ANKFN1: variants seen among roughly 807,000 people sequenced by gnomAD.
ANKFN1 encodes the protein ankyrin repeat and fibronectin type-III domain-containing protein 1.
Under a neutral mutation model 108.7 loss-of-function variants are expected in ANKFN1, and 74 were observed. The ratio of observed to expected loss-of-function variants is 0.68; its 90% CI spans 0.56 to 0.83. ANKFN1 has a LOEUF of 0.83. ANKFN1 is among the 40% of genes least tolerant of loss of function. ANKFN1 has a pLI of 0.00. For missense variants in ANKFN1, 1,505 were observed against 1,382.3 expected (o/e 1.09, Z -1.41); for synonymous variants, 547 against 516.2 (o/e 1.06, Z -0.81).
chr17:56,069,757 C>A (rs577486257), intron 4 of ANKFN1, among the ~76,000 whole-genome samples: 1 of 151,948 alleles, frequency 6.6e-6, no homozygotes. Flanking sequence ...AAATTCAGGG[C>A]GAGTCCATAC....
chr17:56,399,709 A>G (rs1245226829), intron 8 of ANKFN1, among the ~76,000 whole-genome samples: 1 of 151,746 alleles, frequency 6.6e-6, no homozygotes, highest in East Asian at 1.9e-4. Context: ...GCTCCCACTT[A>G]TCAGTGAGAA....
intron 19 of ANKFN1, among the ~76,000 whole-genome samples, chr17:56,498,057 T>C (rs2051255734): frequency 6.6e-6 from 1 of 152,138 alleles, no homozygotes; most frequent in African/African-American, 2.4e-5. Context: ...ACTACTATTG[T>C]ACTTTATAAT....
chr17:56,433,050 CAT>C (rs2048811287), intron 8 of ANKFN1, among the ~76,000 whole-genome samples: 1 of 152,104 alleles, frequency 6.6e-6, no homozygotes, highest in Non-Finnish European at 1.5e-5. Flanking sequence ...ATCACACAGA[CAT>C]ATATATGCAT....
intron 4 of ANKFN1, among the ~76,000 whole-genome samples, chr17:56,050,774 A>G (rs2143073908): frequency 6.6e-6 from 1 of 152,324 alleles, no homozygotes; most frequent in African/African-American, 2.4e-5. Flanking sequence ...GTACCATCAG[A>G]GAATACTACA....
chr17:56,351,138 A>G (rs2046237518), intron 5 of ANKFN1, among the ~76,000 whole-genome samples, 171 bp downstream of exon 5: 1 of 152,142 alleles, frequency 6.6e-6, no homozygotes, highest in South Asian at 2.1e-4. Context: ...GTTGTTAGAC[A>G]AAGTCTGAGT....
chr17:56,078,371 T>G (rs1905205574), intron 4 of ANKFN1, among the ~76,000 whole-genome samples: 1 of 152,178 alleles, frequency 6.6e-6, no homozygotes, highest in Admixed American at 6.5e-5. Context: ...AGCCAGCCTG[T>G]GTCATACCAT....
At chr17:56,050,664 G>T (rs2143073463) in intron 4 of ANKFN1, among the ~76,000 whole-genome samples, 1 of 151,540 alleles carries the variant, frequency 6.6e-6, no homozygotes, top group South Asian at 2.1e-4. Flanking sequence ...TTTCCCCATT[G>T]CTTGTTTTTC....
intron 4 of ANKFN1, among the ~76,000 whole-genome samples, chr17:56,335,092 T>C (rs1246083758): frequency 6.6e-6 from 1 of 151,584 alleles, no homozygotes; most frequent in Non-Finnish European, 1.5e-5. Context: ...TATATCACTG[T>C]TTTGTACCAT....
chr17:56,365,666 G>A (rs80290432), intron 6 of ANKFN1, among the ~76,000 whole-genome samples: 20 of 152,144 alleles, frequency 1.3e-4, no homozygotes, highest in Admixed American at 5.2e-4. Context: ...ATATGAAGGT[G>A]GTCCCATAAA....
intron 8 of ANKFN1, among the ~76,000 whole-genome samples, chr17:56,377,825 A>G (rs1283817313): frequency 6.6e-6 from 1 of 152,146 alleles, no homozygotes; most frequent in Non-Finnish European, 1.5e-5. Context: ...TTTTCCATCC[A>G]CAAGATGAAA....
intron 8 of ANKFN1, among the ~76,000 whole-genome samples, chr17:56,413,498 T>C (rs2145006205): frequency 6.6e-6 from 1 of 152,320 alleles, no homozygotes; most frequent in South Asian, 2.1e-4. Context: ...CCTTGTCTTA[T>C]GCCAGTTTTC....
chr17:56,422,487 G>A (rs186019810), intron 8 of ANKFN1, among the ~76,000 whole-genome samples: 1,629 of 149,236 alleles, frequency 0.011, 17 homozygotes, highest in Non-Finnish European at 0.015. Context: ...ATGCACACAC[G>A]CACATACACA....
intron 8 of ANKFN1, among the ~76,000 whole-genome samples, chr17:56,385,727 C>T (rs1043174396): frequency 4.2e-4 from 64 of 152,254 alleles, no homozygotes; most frequent in African/African-American, 9.1e-4. Flanking sequence ...AAAATGCTCA[C>T]CATCACTGGC....
intron 8 of ANKFN1, among the ~76,000 whole-genome samples, chr17:56,390,280 G>A (rs923401082): frequency 6.6e-6 from 1 of 151,176 alleles, no homozygotes; most frequent in Non-Finnish European, 1.5e-5. Flanking sequence ...TCCAACTTAT[G>A]AGTGAGAACA....
At chr17:56,113,413 C>T (rs1431321) in intron 4 of ANKFN1, among the ~76,000 whole-genome samples, 79,632 of 151,988 alleles carry the variant, frequency 0.52, 21,215 homozygotes, top group East Asian at 0.81. Context: ...AATGAGGCAG[C>T]ACTAATTATG....
chr17:56,354,950 G>A (rs1338567807), intron 6 of ANKFN1, among the ~76,000 whole-genome samples: 1 of 152,150 alleles, frequency 6.6e-6, no homozygotes, highest in Admixed American at 6.5e-5. Context: ...TATATACCCA[G>A]TAGTGGGATT....
intron 8 of ANKFN1, among the ~76,000 whole-genome samples, chr17:56,438,834 G>A (rs1002554591): frequency 6.6e-6 from 1 of 152,152 alleles, no homozygotes; most frequent in Non-Finnish European, 1.5e-5. Context: ...AGTGGATAAA[G>A]TCAATACCAA....
intron 9 of ANKFN1, 111 bp downstream of exon 9, chr17:56,440,535 C>A: frequency 1.4e-6 from 1 of 734,726 alleles, no homozygotes; most frequent in African/African-American, 1.7e-5. Context: ...CCTCTGGCAA[C>A]AACTGCCACT....
chr17:56,374,696 G>C lies in ANKFN1; in HGVS notation c.892G>C (p.Val298Leu). Reference sequence around the variant, plus strand: ...AGAGCCTCTTAGCGTCAATGCAGCTGTAGTAACCAGGTATAAAGGTACTGG... The same window carrying C: ...AGAGCCTCTTAGCGTCAATGCAGCTCTAGTAACCAGGTATAAAGGTACTGG... ...FQEPLSVNAA[V>L]VTRYKVEWSM... Residue 298 changes from valine (V) to leucine (L), a missense_variant, in exon 8 of 21, where the codon GTA becomes CTA. By Grantham distance (32) the Val-to-Leu change is conservative. Transcript: ENST00000682825. The C allele has an allele frequency of 6.2e-7, 1 of 1,613,410 alleles. No individual in the cohort carries two copies. The highest frequency in any genetic ancestry group is 8.5e-7 in the Non-Finnish European group (1 of 1,179,356).
Sources: allele counts gnomAD v4.1 joint callset (sites outside exome capture counted in the v4.1 genomes callset), GRCh38; gene constraint gnomAD v4.1.1; transcripts MANE v1.5; gene names NCBI Gene and HGNC (gene_info 2026-07-23, HGNC 2026-07-21).